Variants in LRP1B observed in about 807,000 individuals in gnomAD.
The protein encoded by LRP1B is LDL receptor related protein 1B.
A neutral mutation model predicts 556.6 loss-of-function variants in LRP1B; 217 were observed. The observed-to-expected ratio is 0.39, with a 90% CI of 0.35 to 0.44. The LOEUF is 0.44. LRP1B is among the 20% of genes least tolerant of loss of function. The pLI is 1.00. For missense variants in LRP1B, 5,053 were observed against 5,620.8 expected (o/e 0.90, Z 3.23); for synonymous variants, 2,047 against 1,865.8 (o/e 1.10, Z -2.50).
At chr2:141,019,273 G>T (rs1024553229) in intron 12 of LRP1B, among the ~76,000 whole-genome samples, 3 of 151,888 alleles carry the variant, frequency 2.0e-5, no homozygotes, top group Non-Finnish European at 2.9e-5. Flanking sequence ...TGGAAATTAC[G>T]GTGGTATCTA....
At chr2:140,792,967 A>G (rs1220148566) in intron 32 of LRP1B, among the ~76,000 whole-genome samples, 1 of 152,088 alleles carries the variant, frequency 6.6e-6, no homozygotes, top group Non-Finnish European at 1.5e-5. Context: ...ATGTGTACAT[A>G]TAGGTAATTA....
chr2:141,215,734 C>T (rs1682776869), intron 6 of LRP1B, among the ~76,000 whole-genome samples: 1 of 152,132 alleles, frequency 6.6e-6, no homozygotes, highest in Non-Finnish European at 1.5e-5. Context: ...GAGTGATAGC[C>T]TAGGGTATCT....
In LRP1B at chr2:140,239,660, A is replaced by G. The variant is rs549596015; in HGVS notation, c.13325-128T>C. The G allele has an allele frequency of 5.8e-6, 3 of 516,286 alleles. No individual in the cohort carries two copies. In the East Asian group the frequency reaches 9.9e-5, roughly 17 times the overall value. The allele number at this position is 516,286 out of a possible 1,614,324, so 32.0% of individuals were successfully genotyped here. On this transcript the variant is annotated intron_variant, in intron 87 of 90. Transcript: ENST00000389484. ...ATAAAAGCTTAGCCCAAATGTTTAT[A>G]TTTCGGGTTCATAATTATGTTATTG...
intron 2 of LRP1B, among the ~76,000 whole-genome samples, chr2:141,640,087 A>G (rs1254905450): frequency 6.6e-6 from 1 of 152,164 alleles, no homozygotes; most frequent in Non-Finnish European, 1.5e-5. Flanking sequence ...TTGGCCTTCA[A>G]CTACATCAAT....
chr2:140,515,432 G>A (rs1689851548), intron 50 of LRP1B, among the ~76,000 whole-genome samples: 1 of 151,756 alleles, frequency 6.6e-6, no homozygotes, highest in African/African-American at 2.4e-5. Flanking sequence ...TATTTCCAAA[G>A]CCAATTTTGT....
chr2:141,225,934 G>A (rs990900068), intron 6 of LRP1B, among the ~76,000 whole-genome samples: 1 of 151,942 alleles, frequency 6.6e-6, no homozygotes, highest in African/African-American at 2.4e-5. Flanking sequence ...CCACTTAGAG[G>A]GCCTGTCTTT....
chr2:140,456,699 T>G, intron 61 of LRP1B, 96 bp from the exon 62 acceptor site: 1 of 1,078,030 alleles, frequency 9.3e-7, no homozygotes, highest in Non-Finnish European at 1.3e-6. Flanking sequence ...CTGCATAACT[T>G]GAATTAGAAT....
intron 41 of LRP1B, among the ~76,000 whole-genome samples, chr2:140,611,543 C>T (rs1179175284): frequency 2.0e-5 from 3 of 151,696 alleles, no homozygotes; most frequent in East Asian, 1.9e-4. Context: ...TGGTAGGGAT[C>T]GTAGAAAGAG....
intron 5 of LRP1B, among the ~76,000 whole-genome samples, chr2:141,241,555 A>C (rs1284480451): frequency 2.0e-5 from 3 of 152,082 alleles, no homozygotes; most frequent in African/African-American, 7.2e-5. Flanking sequence ...AAACTGGCCA[A>C]ATATTCTATT....
intron 84 of LRP1B, among the ~76,000 whole-genome samples, chr2:140,297,274 G>A (rs570466797): frequency 7.9e-5 from 12 of 152,234 alleles, no homozygotes; most frequent in Admixed American, 1.3e-4. Flanking sequence ...TCTCAGCTGA[G>A]GGTAAAGTTA....
Position 141,229,382 on chromosome 2 carries a change from G to T in LRP1B, c.651C>A (p.Phe217Leu). 6.2e-7 allele frequency: 1 copy of T among 1,608,616 alleles called. No individual in the cohort carries two copies. The highest frequency in any genetic ancestry group is 8.5e-7 in the Non-Finnish European group (1 of 1,175,588). Residue 217 changes from phenylalanine to leucine, a missense_variant, in exon 6 of 91, where the codon TTC becomes TTA. Transcript: ENST00000389484. ...TTGCCATTTTACTTCCATTAAGATA[G>T]AAAACCTCAATTGTTTCAAAATTTG... The part of the protein sequence containing the change: ...LIANFETIEV[F>L]YLNGSKMATL...
chr2:141,451,969 A>G (rs1681438364), intron 3 of LRP1B, among the ~76,000 whole-genome samples: 1 of 152,198 alleles, frequency 6.6e-6, no homozygotes, highest in East Asian at 1.9e-4. Flanking sequence ...AATTATTTAC[A>G]TTTCATTTAT....
intron 5 of LRP1B, among the ~76,000 whole-genome samples, chr2:141,246,745 G>A (rs907495428): frequency 6.6e-6 from 1 of 152,018 alleles, no homozygotes; most frequent in Non-Finnish European, 1.5e-5. Context: ...TGGGTGAATC[G>A]CCTGAGGCCA....
At chr2:140,294,211 A>G (rs1365248953) in intron 84 of LRP1B, among the ~76,000 whole-genome samples, 1 of 152,230 alleles carries the variant, frequency 6.6e-6, no homozygotes, top group Non-Finnish European at 1.5e-5. Flanking sequence ...TTGGTCTACC[A>G]ATTGGGAACC....
chr2:140,839,851 T>A, intron 31 of LRP1B, 140 bp downstream of exon 31: 1 of 635,928 alleles, frequency 1.6e-6, no homozygotes, highest in South Asian at 1.9e-5. Context: ...CCCAATGGAT[T>A]CAATGAAATT....
In LRP1B at chr2:140,566,007, T is replaced by C. The variant is rs140901977; in HGVS notation, c.7195-24036A>G. Among the ~76,000 whole-genome samples, 435 of 151,886 alleles carry C rather than the reference T, an allele frequency of 2.9e-3. 3 individuals are homozygous for C. Among genetic ancestry groups the C allele is most frequent in the Admixed American group, 5.3e-3 (81 of 15,250 alleles). On this transcript the variant is annotated intron_variant, in intron 43 of 90. Transcript: ENST00000389484. ...GGCTATGCTTCCCCCAGAGAAGGAG[T>C]GACACTGTGTCCCACTCCCTGTACC...
intron 11 of LRP1B, among the ~76,000 whole-genome samples, chr2:141,044,525 A>C (rs1698807797): frequency 6.7e-6 from 1 of 149,736 alleles, no homozygotes; most frequent in African/African-American, 2.4e-5. Context: ...TACTCATCTG[A>C]CAAAGGGCTA....
chr2:140,840,079 G>A lies in LRP1B; in HGVS notation c.5121C>T (p.Leu1707=), dbSNP rs2105095294. ...CLAAHPVRGK[L]YWTDGNTINM... is the part of the protein sequence containing the mutation. ...TAATTGTGTTTCCATCGGTCCAGTA[G>A]AGTTTTCTTAATTCAAAAGACATAT... Residue 1707 remains leucine, a synonymous_variant, in exon 31 of 91, where the codon CTC becomes CTT. Coordinates refer to ENST00000389484, the MANE Select transcript of LRP1B (RefSeq NM_018557.3). The A allele has an allele frequency of 6.3e-7, 1 of 1,596,772 alleles. No individual in the cohort carries two copies. Among genetic ancestry groups the A allele is most frequent in the Non-Finnish European group, 8.5e-7 (1 of 1,170,748 alleles).
intron 25 of LRP1B, among the ~76,000 whole-genome samples, chr2:140,881,299 CTA>C (rs932504324): frequency 4.2e-4 from 63 of 150,986 alleles, no homozygotes; most frequent in African/African-American, 1.4e-3. Flanking sequence ...CTTATTGTTG[CTA>C]TGTTTTAAGC....
Sources: gnomAD v4.1 joint callset for allele counts (sites outside exome capture counted in the v4.1 genomes callset) on GRCh38, gnomAD v4.1.1 for gene constraint, MANE v1.5 for transcripts, NCBI Gene and HGNC (gene_info 2026-07-23, HGNC 2026-07-21) for gene names.